The following DCTN2 variants were observed in gnomAD, a reference collection of about 807,000 sequenced individuals.
DCTN2 encodes 50 kDa dynein-associated polypeptide.
DCTN2 carries 18 observed loss-of-function variants against 55.4 expected under a neutral mutation model. That is an observed-to-expected ratio of 0.32 (90% CI 0.22 to 0.48). The LOEUF is 0.48. Ranked by LOEUF, DCTN2 falls within the 20% of genes least tolerant of loss-of-function variation. The pLI, the probability that DCTN2 is intolerant of heterozygous loss-of-function variation, is 0.99. For missense variants in DCTN2, 390 were observed against 491.0 expected (o/e 0.79, Z 1.94); for synonymous variants, 168 against 185.2 (o/e 0.91, Z 0.76).
chr12:57,534,477 G>A (rs764158168), intron 5 of DCTN2, 25 bp from the exon 6 acceptor site: 27 of 1,563,508 alleles, frequency 1.7e-5, no homozygotes, highest in South Asian at 1.5e-4. Flanking sequence ...GGTAGAAATC[G>A]GGGGATGGCA....
chr12:57,542,922 G>A (rs1442299928), intron 2 of DCTN2: 1 of 456,012 alleles, frequency 2.2e-6, no homozygotes, highest in Admixed American at 2.3e-5. Context: ...GGCAGAGGTG[G>A]GAGGCAGATT....
chr12:57,546,122 A>C, intron 1 of DCTN2, 26 bp from the exon 2 acceptor site: 13 of 1,610,846 alleles, frequency 8.1e-6, no homozygotes, highest in Non-Finnish European at 9.3e-6. Flanking sequence ...GTGACCACCC[A>C]ACCTCACTAC....
At chr12:57,542,798 GAA>G (rs1880804303) in intron 2 of DCTN2, 1 of 455,788 alleles carries the variant, frequency 2.2e-6, no homozygotes, top group African/African-American at 2.0e-5. Context: ...CAGCCTGGGG[GAA>G]AGAGTGAGAC....
chr12:57,532,795 A>G lies in DCTN2; in HGVS notation c.790T>C (p.Leu264=). ...TCTAGGGCGCTCACCTTTGCTTGCA[A>G]CAGCTCTACAGTCTCCTGGGGATGG... is the stretch of plus-strand genomic sequence containing the variant. ...GACLMETVEL[L]QAKVSALDLA... The change falls in exon 10 of 14, where the codon TTG becomes CTG. Residue 264 remains leucine, a synonymous_variant. Transcript: ENST00000548249. 1.2e-6 allele frequency: 2 copies of G among 1,613,980 alleles called. No individual in the cohort carries two copies. Among genetic ancestry groups the G allele is most frequent in the South Asian group, 1.1e-5 (1 of 91,076 alleles).
chr12:57,545,313 A>G (rs1395914129), intron 2 of DCTN2, among the ~76,000 whole-genome samples: 1 of 152,026 alleles, frequency 6.6e-6, no homozygotes, highest in African/African-American at 2.4e-5. Context: ...TTCCTTCTAT[A>G]TGTTTCCTAT....
In DCTN2 at chr12:57,535,372, A is replaced by T. The variant is rs1009057430; in HGVS notation, c.264+112T>A. On this transcript the variant is annotated intron_variant, in intron 4 of 13. Coordinates refer to ENST00000548249, the MANE Select transcript of DCTN2 (RefSeq NM_001261413.2). ...CCTGGCTGCATCCTGCTGCTTCCTC[A>T]GGAACAGAGGAGGAACAGAATCCCG... is the stretch of plus-strand genomic sequence containing the variant. 172 of 1,368,602 alleles carry T rather than the reference A, an allele frequency of 1.3e-4. No individual in the cohort carries two copies. In the Middle Eastern group the frequency reaches 3.1e-3, roughly 25 times the overall value. 84.8% of individuals were successfully genotyped at this position (1,368,602 alleles called of 1,614,324 possible).
Position 57,530,684 on chromosome 12 carries a change from T to C in DCTN2, c.*5A>G. On this transcript the variant is annotated 3_prime_UTR_variant, in exon 14 of 14. Coordinates refer to ENST00000548249, the MANE Select transcript of DCTN2 (RefSeq NM_001261413.2). ...TAACCCCTGTTCTCCAGCTCCCAAA[T>C]GTGCTCACTTTCCCAGCTTCTTCAT... 2 of 1,613,224 alleles carry C rather than the reference T, an allele frequency of 1.2e-6. No individual in the cohort carries two copies. Among genetic ancestry groups the C allele is most frequent in the Non-Finnish European group, 1.7e-6 (2 of 1,179,350 alleles).
chr12:57,533,724 T>C (rs1045020641), intron 7 of DCTN2, among the ~76,000 whole-genome samples: 1 of 149,684 alleles, frequency 6.7e-6, no homozygotes, highest in African/African-American at 2.5e-5. Context: ...TGAGCCAAGA[T>C]TGCGCCACTG....
At chr12:57,535,634 T>A in intron 3 of DCTN2, 89 bp from the exon 4 acceptor site, 3 of 1,539,298 alleles carry the variant, frequency 1.9e-6, no homozygotes, top group East Asian at 4.5e-5. Context: ...CCATAAAATA[T>A]CTCCATGAGG....
At position 57,547,089 on chromosome 12, in the gene DCTN2, C is replaced by CCCGGGCCTCGGTGGAG; in HGVS notation, c.-42_-27dup. 2.4e-6 allele frequency: 3 copies of CCCGGGCCTCGGTGGAG among 1,260,724 alleles called. No homozygotes were observed. 78.1% of individuals were successfully genotyped at this position (1,260,724 alleles called of 1,614,324 possible). On this transcript the variant is annotated 5_prime_UTR_variant, in exon 1 of 14. Transcript: ENST00000548249. The stretch of plus-strand genomic sequence containing the variant: ...GGCGGCGGCGAGACGGGCTGGGGGA[C>CCCGGGCCTCGGTGGAG]CCGGGCCTCGGTGGAGCCGGGGCCG...
chr12:57,531,918 A>G (rs1267768790), intron 13 of DCTN2, 97 bp downstream of exon 13: 2 of 1,520,668 alleles, frequency 1.3e-6, no homozygotes, highest in South Asian at 1.2e-5. Flanking sequence ...CCACAACACC[A>G]TGCTACAAAA....
At chr12:57,534,960 G>A (rs563152937) in intron 5 of DCTN2, 96 bp downstream of exon 5, 116 of 1,086,276 alleles carry the variant, frequency 1.1e-4, no homozygotes, top group African/African-American at 1.6e-4. Context: ...GTGAGCCACC[G>A]CACCCAGCCA....
At position 57,544,744 on chromosome 12, in the gene DCTN2, G is replaced by A. The variant is rs950515192; in HGVS notation, c.105+1284C>T. On this transcript the variant is annotated intron_variant, in intron 2 of 13. Coordinates refer to ENST00000548249, the MANE Select transcript of DCTN2 (RefSeq NM_001261413.2). Reference sequence around the variant, plus strand: ...CCATTTGTGATTGGTTGAATCCATGGGTTTGGAACCCATAAATACAGAGAA... The same window carrying A: ...CCATTTGTGATTGGTTGAATCCATGAGTTTGGAACCCATAAATACAGAGAA... Among the ~76,000 whole-genome samples, 3 of 151,976 alleles carry A rather than the reference G, an allele frequency of 2.0e-5. No individual in the cohort carries two copies. The South Asian group carries it at 6.2e-4, about 31-fold the overall frequency.
Position 57,532,824 on chromosome 12 carries a change from T to A in DCTN2, c.775-14A>T, listed in dbSNP as rs760952204. 11 of 1,613,728 alleles carry A rather than the reference T, an allele frequency of 6.8e-6. No homozygotes were observed. The African/African-American group carries it at 1.3e-4, about 20-fold the overall frequency. ...CTCTACAGTCTCCTGGGGATGGAAGTTGGGACAAGCATCATGAAGAGGAAA... is the reference window on the plus strand; with the variant it reads ...CTCTACAGTCTCCTGGGGATGGAAGATGGGACAAGCATCATGAAGAGGAAA... On this transcript the variant is annotated splice_polypyrimidine_tract_variant and intron_variant, in intron 9 of 13. Transcript: ENST00000548249.
intron 2 of DCTN2, among the ~76,000 whole-genome samples, chr12:57,537,050 C>G (rs1880291634): frequency 1.3e-5 from 2 of 151,032 alleles, no homozygotes; most frequent in East Asian, 3.9e-4. Flanking sequence ...GTAGTCCCAG[C>G]ACTTTGGGAG....
intron 2 of DCTN2, among the ~76,000 whole-genome samples, chr12:57,541,842 A>G (rs1880719211): frequency 6.6e-6 from 1 of 152,224 alleles, no homozygotes; most frequent in Non-Finnish European, 1.5e-5. Flanking sequence ...TATTGCCCCA[A>G]TTAACCTGGG....
At position 57,532,288 on chromosome 12, in the gene DCTN2, G is replaced by A. The variant is rs1188405631; in HGVS notation, c.952C>T (p.Arg318Cys). The A allele has an allele frequency of 6.4e-7, 1 of 1,562,550 alleles. No individual in the cohort carries two copies. Among genetic ancestry groups the A allele is most frequent in the Non-Finnish European group, 8.7e-7 (1 of 1,152,886 alleles). Residue 318 changes from arginine to cysteine, a missense_variant, in exon 12 of 14, where the codon CGC (arginine) becomes TGC (cysteine). Coordinates refer to ENST00000548249, the MANE Select transcript of DCTN2 (RefSeq NM_001261413.2). ...AGGGTGGAGGCAATGGGGCTCCAGC[G>A]CTGTATAGTTTCATATAGCTGGTGC... ...KVHQLYETIQ[R>C]WSPIASTLPE...
chr12:57,530,779 C>A lies in DCTN2; in HGVS notation c.1120-4G>T, dbSNP rs1364382259. On this transcript the variant is annotated splice_region_variant and splice_polypyrimidine_tract_variant and intron_variant, in intron 13 of 13. Coordinates refer to ENST00000548249, the MANE Select transcript of DCTN2 (RefSeq NM_001261413.2). The stretch of plus-strand genomic sequence containing the variant: ...TTTCACGCATGGTTGTCTGCACCTA[C>A]AAAGTGGTAGAGAGGTTTTACTCTT... 8 of 1,612,680 alleles carry A rather than the reference C, an allele frequency of 5.0e-6. No homozygotes were observed. Among genetic ancestry groups the A allele is most frequent in the Middle Eastern group, 1.7e-4 (1 of 6,054 alleles).
chr12:57,546,146 A>C, intron 1 of DCTN2, 50 bp from the exon 2 acceptor site: 2 of 1,535,948 alleles, frequency 1.3e-6, no homozygotes, highest in Non-Finnish European at 1.8e-6. Context: ...GCATCCAACA[A>C]CACCCCTTCC....
Sources: gnomAD v4.1 joint callset for allele counts (sites outside exome capture counted in the v4.1 genomes callset) on GRCh38, gnomAD v4.1.1 for gene constraint, MANE v1.5 for transcripts, NCBI Gene and HGNC (gene_info 2026-07-23, HGNC 2026-07-21) for gene names.